Variants in SPAG16 observed in about 807,000 individuals in gnomAD.
SPAG16 encodes sperm associated antigen 16, also known as sperm-associated antigen 16 protein.
SPAG16 carries 86 observed loss-of-function variants against 80.4 expected under a neutral mutation model. The ratio of observed to expected loss-of-function variants is 1.07; its 90% CI spans 0.90 to 1.28. The LOEUF (loss-of-function observed/expected upper bound fraction) is 1.28, where lower values mean the gene tolerates loss of function less well. SPAG16 is among the 50% of genes most tolerant of loss of function. SPAG16 has a pLI of 0.00. For missense variants in SPAG16, 870 were observed against 765.3 expected (o/e 1.14, Z -1.61); for synonymous variants, 294 against 265.9 (o/e 1.11, Z -1.03).
intron 13 of SPAG16, among the ~76,000 whole-genome samples, chr2:214,063,785 G>T (rs1682621962): frequency 6.6e-6 from 1 of 152,082 alleles, no homozygotes; most frequent in Non-Finnish European, 1.5e-5. Flanking sequence ...GGCCATGCCA[G>T]ATTACTTTAT....
At chr2:213,409,639 T>A (rs1451984588) in intron 9 of SPAG16, among the ~76,000 whole-genome samples, 1 of 152,168 alleles carries the variant, frequency 6.6e-6, no homozygotes, top group Non-Finnish European at 1.5e-5. Flanking sequence ...TAAATATATC[T>A]ACAAAGTTTT....
intron 9 of SPAG16, among the ~76,000 whole-genome samples, chr2:213,479,373 A>G (rs951062531): frequency 1.3e-5 from 2 of 151,620 alleles, no homozygotes; most frequent in African/African-American, 2.4e-5. Context: ...TTAATCTAAC[A>G]TTTTATGTGA....
chr2:213,697,833 T>A (rs1269912233), intron 10 of SPAG16, among the ~76,000 whole-genome samples: 1 of 152,158 alleles, frequency 6.6e-6, no homozygotes, highest in Non-Finnish European at 1.5e-5. Context: ...AAAAACAACA[T>A]TAATAAACAA....
chr2:213,363,827 A>C (rs2066130074), intron 7 of SPAG16, among the ~76,000 whole-genome samples: 1 of 152,118 alleles, frequency 6.6e-6, no homozygotes, highest in African/African-American at 2.4e-5. Context: ...TCAGGAAACT[A>C]TGCCGTGAAA....
At chr2:213,962,356 C>T (rs1460165719) in intron 12 of SPAG16, among the ~76,000 whole-genome samples, 2 of 152,012 alleles carry the variant, frequency 1.3e-5, no homozygotes, top group Non-Finnish European at 2.9e-5. Flanking sequence ...CCAAGCCCGG[C>T]TAATTTTTTC....
At chr2:213,493,697 T>C (rs776846171) in intron 10 of SPAG16, among the ~76,000 whole-genome samples, 1 of 152,164 alleles carries the variant, frequency 6.6e-6, no homozygotes, top group Non-Finnish European at 1.5e-5. Flanking sequence ...TGCCTCAGCC[T>C]CCTGAGTAGC....
chr2:213,403,827 TCTC>T (rs2068462387), intron 9 of SPAG16, among the ~76,000 whole-genome samples: 1 of 152,058 alleles, frequency 6.6e-6, no homozygotes, highest in African/African-American at 2.4e-5. Flanking sequence ...CAGCCCAAAA[TCTC>T]CTCAAGCTGA....
intron 7 of SPAG16, among the ~76,000 whole-genome samples, chr2:213,357,895 T>C (rs1028230851): frequency 1.9e-4 from 29 of 152,350 alleles, no homozygotes; most frequent in Non-Finnish European, 8.8e-5. Flanking sequence ...TGGCTGGTAC[T>C]GGTTGTTCCT....
intron 10 of SPAG16, among the ~76,000 whole-genome samples, chr2:213,633,356 T>C (rs1331101273): frequency 6.6e-6 from 1 of 152,204 alleles, no homozygotes; most frequent in Non-Finnish European, 1.5e-5. Flanking sequence ...TCTTTTTAAT[T>C]TCTAGTTTCA....
chr2:213,557,307 C>T (rs578145055), intron 10 of SPAG16, among the ~76,000 whole-genome samples: 5 of 152,154 alleles, frequency 3.3e-5, no homozygotes, highest in Non-Finnish European at 7.4e-5. Flanking sequence ...ACATGCACAA[C>T]ATATGCTCTG....
Position 213,879,541 on chromosome 2 carries a change from G to A in SPAG16, c.1214+16913G>A, listed in dbSNP as rs536284929. 7.2e-5 allele frequency among the ~76,000 whole-genome samples: 11 copies of A among 151,990 alleles called. No individual in the cohort carries two copies. The South Asian group carries it at 1.9e-3, about 26-fold the overall frequency. The stretch of plus-strand genomic sequence containing the variant: ...ATTTCAGCTTTTATTTTATACATAG[G>A]GAGTACATGTGCAAGGTTATTGCAT... On this transcript the variant is annotated intron_variant, in intron 11 of 15. Transcript: ENST00000331683.
chr2:214,131,440 A>G (rs80291425), intron 14 of SPAG16, among the ~76,000 whole-genome samples: 1 of 152,102 alleles, frequency 6.6e-6, no homozygotes, highest in East Asian at 1.9e-4. Flanking sequence ...ATAAGGTAAC[A>G]TGTTATAAGT....
chr2:213,932,177 TATATATATATATATATATATA>T (rs1559602492), intron 12 of SPAG16, among the ~76,000 whole-genome samples: 22 of 26,644 alleles, frequency 8.3e-4, no homozygotes, highest in Non-Finnish European at 2.0e-3. Context: ...TATATATATA[TATATATATATATATATATATA>T]TTTGTTGTTG....
At chr2:213,598,157 C>T (rs1216233933) in intron 10 of SPAG16, among the ~76,000 whole-genome samples, 5 of 152,006 alleles carry the variant, frequency 3.3e-5, no homozygotes, top group African/African-American at 9.7e-5. Flanking sequence ...ACTTCTGTAC[C>T]CCATTAAGTG....
intron 15 of SPAG16, among the ~76,000 whole-genome samples, chr2:214,159,464 A>G (rs1056180744): frequency 5.9e-4 from 90 of 151,948 alleles, no homozygotes; most frequent in African/African-American, 2.1e-3. Context: ...CCAAGCTGAT[A>G]CTTTTTAATA....
intron 14 of SPAG16, among the ~76,000 whole-genome samples, chr2:214,138,239 C>T (rs2055164406): frequency 6.6e-6 from 1 of 152,002 alleles, no homozygotes; most frequent in Non-Finnish European, 1.5e-5. Flanking sequence ...ACAAGGGGAC[C>T]TGGCTAGGGT....
At chr2:214,252,083 A>C (rs1159833462) in intron 15 of SPAG16, among the ~76,000 whole-genome samples, 1 of 152,106 alleles carries the variant, frequency 6.6e-6, no homozygotes, top group East Asian at 1.9e-4. Flanking sequence ...AAATATGCTC[A>C]GAGGAAAGTA....
chr2:213,769,686 A>G (rs541497315), intron 10 of SPAG16, among the ~76,000 whole-genome samples: 1 of 152,324 alleles, frequency 6.6e-6, no homozygotes, highest in South Asian at 2.1e-4. Flanking sequence ...TCTTTTAAAT[A>G]TGTCTCTTTC....
intron 13 of SPAG16, among the ~76,000 whole-genome samples, chr2:214,028,994 G>A (rs954558593): frequency 5.9e-5 from 9 of 151,916 alleles, no homozygotes; most frequent in African/African-American, 1.9e-4. Context: ...AGTAGAAGGA[G>A]AAAGATAAAA....
Sources: allele counts gnomAD v4.1 joint callset (sites outside exome capture counted in the v4.1 genomes callset), GRCh38; gene constraint gnomAD v4.1.1; transcripts MANE v1.5; gene names NCBI Gene and HGNC (gene_info 2026-07-23, HGNC 2026-07-21).